Variants in SYNJ1 observed in about 807,000 individuals in gnomAD.
SYNJ1 encodes synaptojanin 1, also known as polyphosphatidylinositol phosphatase SYNJ1.
SYNJ1 carries 78 observed loss-of-function variants against 168.2 expected under a neutral mutation model. The ratio of observed to expected loss-of-function variants is 0.46; its 90% CI spans 0.39 to 0.56. SYNJ1 has a LOEUF of 0.56. Ranked by LOEUF, SYNJ1 falls within the 20% of genes least tolerant of loss-of-function variation. The probability of loss-of-function intolerance (pLI) is 0.00; values close to 1 mark genes in which losing one functional copy is unlikely to be tolerated. For synonymous variants in SYNJ1, 539 were observed against 548.6 expected, an observed-to-expected ratio of 0.98 and a Z score of 0.24; for missense variants, 1,303 against 1,597.6, an observed-to-expected ratio of 0.82 and a Z score of 3.14.
At chr21:32,651,211 CTTTG>C (rs926496231) in intron 22 of SYNJ1, among the ~76,000 whole-genome samples, 1 of 152,156 alleles carries the variant, frequency 6.6e-6, no homozygotes, top group African/African-American at 2.4e-5. Context: ...TTTCAATTTC[CTTTG>C]TTTGAAGAGT....
At chr21:32,647,911 C>T (rs570164362) in intron 23 of SYNJ1, among the ~76,000 whole-genome samples, 1 of 152,312 alleles carries the variant, frequency 6.6e-6, no homozygotes, top group South Asian at 2.1e-4. Context: ...CTTTGCTCTT[C>T]AGGAGCTTTA....
chr21:32,664,854 A>T, intron 18 of SYNJ1, 59 bp downstream of exon 18: 1 of 1,433,870 alleles, frequency 7.0e-7, no homozygotes, highest in Non-Finnish European at 9.3e-7. Flanking sequence ...CTTGATTTAA[A>T]AAGGCATGTT....
chr21:32,709,567 G>A (rs1416118041), intron 2 of SYNJ1, among the ~76,000 whole-genome samples: 1 of 145,990 alleles, frequency 6.8e-6, no homozygotes. Context: ...ACCTAGGCTA[G>A]AGTGCAGTGA....
intron 18 of SYNJ1, among the ~76,000 whole-genome samples, chr21:32,663,703 C>T (rs1177366757): frequency 2.0e-5 from 3 of 152,198 alleles, no homozygotes; most frequent in African/African-American, 7.2e-5. Context: ...TACTTGGGCA[C>T]AAGATGGCTC....
intron 3 of SYNJ1, 125 bp from the exon 4 acceptor site, chr21:32,700,230 G>T: frequency 9.2e-7 from 1 of 1,086,784 alleles, no homozygotes; most frequent in Non-Finnish European, 1.3e-6. Flanking sequence ...TGGATGTGTT[G>T]AAATTCACTA....
At chr21:32,722,204 AAATATATATATAT>A (rs1191492362) in intron 2 of SYNJ1, among the ~76,000 whole-genome samples, 3 of 71,144 alleles carry the variant, frequency 4.2e-5, no homozygotes, top group African/African-American at 1.9e-4. Flanking sequence ...AAAAAAAAAA[AAATATATATATAT>A]ATATATATAT....
In SYNJ1 at chr21:32,720,336, G is replaced by T. The variant is rs76062238; in HGVS notation, c.124+6436C>A. Among the ~76,000 whole-genome samples the T allele has an allele frequency of 6.6e-5, 10 of 152,318 alleles. No homozygotes were observed. In the East Asian group the frequency reaches 1.9e-3, roughly 29 times the overall value. On this transcript the variant is annotated intron_variant, in intron 2 of 32. Transcript: ENST00000674351. The stretch of plus-strand genomic sequence containing the variant: ...AACCTCTGGCTTAATGTTGTGACTG[G>T]CAGAATAAGCTTCCAGTAAGTGGTA...
At chr21:32,653,466 GC>G in intron 21 of SYNJ1, 100 bp from the exon 22 acceptor site, 1 of 949,262 alleles carries the variant, frequency 1.1e-6, no homozygotes, top group Non-Finnish European at 1.6e-6. Flanking sequence ...GCCACAAGAG[GC>G]CAGGAAGTAA....
intron 3 of SYNJ1, among the ~76,000 whole-genome samples, chr21:32,700,948 TA>T (rs1328835795): frequency 1.3e-5 from 2 of 152,210 alleles, no homozygotes; most frequent in Admixed American, 1.3e-4. Context: ...ACAAAAAGCC[TA>T]TGAAATTAGT....
In SYNJ1 at chr21:32,630,041, C is replaced by A. The variant is rs1018072586; in HGVS notation, c.*1764G>T. 1.3e-5 allele frequency: 2 copies of A among 152,200 alleles called. No individual in the cohort carries two copies. The highest frequency in any genetic ancestry group is 4.8e-5 in the African/African-American group (2 of 41,448). The allele number at this position is 152,200 out of a possible 1,614,324, so 9.4% of individuals were successfully genotyped here. On this transcript the variant is annotated 3_prime_UTR_variant, in exon 33 of 33. Coordinates refer to ENST00000674351, the MANE Select transcript of SYNJ1 (RefSeq NM_203446.3). ...GAAAATATGGGAGGGATATGGGCAA[C>A]GTATACTCGAACGTACGCAGAGAAG...
At chr21:32,658,586 T>G (rs2040554720) in intron 18 of SYNJ1, 1 of 152,330 alleles carries the variant, frequency 6.6e-6, no homozygotes, top group Non-Finnish European at 1.5e-5. Context: ...CTGTTAACAC[T>G]TAAGCCATCT....
At chr21:32,687,839 T>TG (rs1320636547) in intron 7 of SYNJ1, among the ~76,000 whole-genome samples, 1 of 152,212 alleles carries the variant, frequency 6.6e-6, no homozygotes, top group Non-Finnish European at 1.5e-5. Context: ...TTCATAAGCA[T>TG]GGGTTCCACA....
At chr21:32,723,096 T>C (rs1216855271) in intron 2 of SYNJ1, among the ~76,000 whole-genome samples, 3 of 152,360 alleles carry the variant, frequency 2.0e-5, no homozygotes, top group South Asian at 2.1e-4. Flanking sequence ...ACACTGATAA[T>C]GTCATAACAT....
At chr21:32,648,909 T>A (rs1233068111) in intron 23 of SYNJ1, among the ~76,000 whole-genome samples, 1 of 152,222 alleles carries the variant, frequency 6.6e-6, no homozygotes, top group Non-Finnish European at 1.5e-5. Context: ...ATTTACTCCC[T>A]CACAAACATC....
At chr21:32,676,830 T>G (rs2041429344) in intron 12 of SYNJ1, among the ~76,000 whole-genome samples, 1 of 152,138 alleles carries the variant, frequency 6.6e-6, no homozygotes, top group Non-Finnish European at 1.5e-5. Context: ...AACATCACCA[T>G]GCTATGCAAA....
chr21:32,645,902 G>T, intron 24 of SYNJ1, 113 bp from the exon 25 acceptor site: 1 of 1,409,676 alleles, frequency 7.1e-7, no homozygotes, highest in Non-Finnish European at 9.8e-7. Flanking sequence ...ATGGTGTAAA[G>T]AAAGGGCATG....
chr21:32,691,988 C>T (rs573965437), intron 6 of SYNJ1, among the ~76,000 whole-genome samples: 6 of 152,254 alleles, frequency 3.9e-5, no homozygotes, highest in South Asian at 2.1e-4. Context: ...AAATCTGACA[C>T]GCATAACATA....
intron 16 of SYNJ1, 50 bp from the exon 17 acceptor site, chr21:32,666,185 A>G (rs759090536): frequency 1.9e-6 from 3 of 1,553,740 alleles, no homozygotes; most frequent in South Asian, 1.2e-5. Context: ...CAAGAGTTCC[A>G]TGTGCATAGG....
intron 29 of SYNJ1, among the ~76,000 whole-genome samples, chr21:32,639,988 T>C (rs1297538748): frequency 6.6e-6 from 1 of 152,242 alleles, no homozygotes; most frequent in Non-Finnish European, 1.5e-5. Context: ...GTGCCAGACA[T>C]TATGTTAATT....
Sources: allele counts gnomAD v4.1 joint callset (sites outside exome capture counted in the v4.1 genomes callset), GRCh38; gene constraint gnomAD v4.1.1; transcripts MANE v1.5; gene names NCBI Gene and HGNC (gene_info 2026-07-23, HGNC 2026-07-21).